Variants in OLAH observed in about 807,000 individuals in gnomAD.
OLAH encodes the protein oleoyl-ACP hydrolase, also known as S-acyl fatty acid synthase thioesterase, medium chain.
Under a neutral mutation model 27.8 loss-of-function variants are expected in OLAH, and 33 were observed. The observed-to-expected ratio is 1.19, with a 90% CI of 0.90 to 1.59. The LOEUF (loss-of-function observed/expected upper bound fraction) is 1.59. Ranked by LOEUF, OLAH falls within the 40% of genes most tolerant of loss-of-function variation. The probability of loss-of-function intolerance (pLI) is 0.00; values close to 1 mark genes in which losing one functional copy is unlikely to be tolerated. For missense variants in OLAH, 359 were observed against 310.8 expected (o/e 1.16, Z -1.17); for synonymous variants, 120 against 102.9 (o/e 1.17, Z -1.01).
chr10:15,057,042 G>A, intron 3 of OLAH: 1 of 1,328,194 alleles, frequency 7.5e-7, no homozygotes, highest in Non-Finnish European at 9.7e-7. Flanking sequence ...TTAATGTGGT[G>A]TCTTCTGACT....
Position 15,049,703 on chromosome 10 carries a change from G to C in OLAH, c.101G>C (p.Trp34Ser), listed in dbSNP as rs1180868836. 4 of 1,610,534 alleles carry C rather than the reference G, an allele frequency of 2.5e-6. No individual in the cohort carries two copies. Among genetic ancestry groups the C allele is most frequent in the Middle Eastern group, 1.6e-4 (1 of 6,080 alleles). ...EATFKLICFP[W>S]MGGGSTHFAK... ...ACTTTTAAGCTGATTTGCTTTCCCT[G>C]GATGGGAGGTGGCTCCACTCATTTT... Residue 34 changes from tryptophan to serine, a missense_variant, in exon 3 of 8, where the codon TGG becomes TCG. By Grantham distance (177) the Trp-to-Ser change is radical. Transcript: ENST00000378228.
intron 2 of OLAH, among the ~76,000 whole-genome samples, chr10:15,049,327 T>C (rs935982759): frequency 4.6e-5 from 7 of 151,924 alleles, no homozygotes; most frequent in Non-Finnish European, 8.8e-5. Flanking sequence ...TGACATGAGG[T>C]CTCACTATGT....
intron 2 of OLAH, among the ~76,000 whole-genome samples, chr10:15,048,377 C>A (rs1048158458): frequency 6.6e-6 from 1 of 152,160 alleles, no homozygotes; most frequent in Non-Finnish European, 1.5e-5. Context: ...ACCACCACAC[C>A]CAGCTAATTT....
At chr10:15,050,015 T>C (rs1202909540) in intron 3 of OLAH, among the ~76,000 whole-genome samples, 1 of 152,246 alleles carries the variant, frequency 6.6e-6, no homozygotes, top group East Asian at 1.9e-4. Context: ...GGTATAATTA[T>C]TGATATGGTT....
At chr10:15,047,355 C>A (rs1844039882) in intron 2 of OLAH, 35 bp downstream of exon 2, 1 of 1,607,898 alleles carries the variant, frequency 6.2e-7, no homozygotes, top group East Asian at 2.2e-5. Flanking sequence ...GCTCTTCCTC[C>A]ATCCCAGGGG....
At chr10:15,069,792 G>A (rs1478798251) in intron 6 of OLAH, among the ~76,000 whole-genome samples, 2 of 152,128 alleles carry the variant, frequency 1.3e-5, no homozygotes, top group African/African-American at 4.8e-5. Context: ...CTTGAACCCA[G>A]GAGACAGAGG....
Position 15,065,839 on chromosome 10 carries a change from T to G in OLAH, c.572+86T>G. 20 of 1,249,798 alleles carry G rather than the reference T, an allele frequency of 1.6e-5. 1 individual carries two copies. The South Asian group carries it at 3.0e-4, about 19-fold the overall frequency. 77.4% of individuals were successfully genotyped at this position (1,249,798 alleles called of 1,614,324 possible). On this transcript the variant is annotated intron_variant, in intron 6 of 7. Coordinates refer to ENST00000378228, the MANE Select transcript of OLAH (RefSeq NM_001039702.3). ...ATTGGCAGTGCTCTGAGGTTGCTTA[T>G]GTGGGAAGACAAAATTCTAAGAGTT...
chr10:15,056,630 CCTTT>C (rs991574455), intron 3 of OLAH, among the ~76,000 whole-genome samples: 1 of 151,516 alleles, frequency 6.6e-6, no homozygotes, highest in African/African-American at 2.4e-5. Context: ...TTCCTTCCTT[CCTTT>C]TTCTTTCTTT....
In OLAH at chr10:15,046,226, A is replaced by G. The variant is rs185414667; in HGVS notation, c.-163-900A>G. 5.9e-5 allele frequency among the ~76,000 whole-genome samples: 9 copies of G among 151,546 alleles called. No individual in the cohort carries two copies. In the East Asian group the frequency reaches 1.8e-3, roughly 30 times the overall value. Reference sequence around the variant, plus strand: ...CTGGGCGCAGTGGTGGGCACCTATAATCCCAGCTACTTGGGAGGCTGAGGC... The same window carrying G: ...CTGGGCGCAGTGGTGGGCACCTATAGTCCCAGCTACTTGGGAGGCTGAGGC... On this transcript the variant is annotated intron_variant, in intron 1 of 7. Transcript: ENST00000378228.
rs191335400 is a variant in OLAH, at chr10:15,048,304, C to G, written c.32+984C>G. Among the ~76,000 whole-genome samples, 12 of 152,142 alleles carry G rather than the reference C, an allele frequency of 7.9e-5. No individual in the cohort carries two copies. In the East Asian group the frequency reaches 2.1e-3, roughly 27 times the overall value. On this transcript the variant is annotated intron_variant, in intron 2 of 7. Transcript: ENST00000378228. ...GCGATCTCGGCTCACTGCAACCCCC[C>G]CCTCCTGGGTTCAAGTAATCCTCCT...
At chr10:15,068,309 G>T (rs749561282) in intron 6 of OLAH, among the ~76,000 whole-genome samples, 18 of 152,144 alleles carry the variant, frequency 1.2e-4, no homozygotes, top group Middle Eastern at 3.4e-3. Flanking sequence ...CCAACATCTG[G>T]GTCTTATCTG....
intron 6 of OLAH, among the ~76,000 whole-genome samples, chr10:15,070,092 T>G (rs1454923917): frequency 6.6e-6 from 1 of 152,010 alleles, no homozygotes; most frequent in Non-Finnish European, 1.5e-5. Context: ...TAACTTGCCT[T>G]GCAAACACAG....
chr10:15,066,666 A>C (rs909248790), intron 6 of OLAH, among the ~76,000 whole-genome samples: 2 of 149,282 alleles, frequency 1.3e-5, no homozygotes, highest in Admixed American at 1.3e-4. Flanking sequence ...TTTGAGATGG[A>C]GTCTCACTTT....
At chr10:15,041,846 G>A (rs948548345), upstream of OLAH, among the ~76,000 whole-genome samples, 1 of 152,066 alleles carries the variant, frequency 6.6e-6, no homozygotes, top group African/African-American at 2.4e-5. Context: ...CAAAGTGCTG[G>A]GATTCCAGGT....
chr10:15,040,801 G>T (rs951244828), upstream of OLAH, among the ~76,000 whole-genome samples: 1 of 152,160 alleles, frequency 6.6e-6, no homozygotes, highest in African/African-American at 2.4e-5. Context: ...TTACTGTCTA[G>T]CAGTACAGAA....
intron 6 of OLAH, among the ~76,000 whole-genome samples, chr10:15,070,865 A>G (rs930483847): frequency 6.8e-6 from 1 of 147,332 alleles, no homozygotes; most frequent in African/African-American, 2.5e-5. Flanking sequence ...AGCTCACTGC[A>G]GCCTTGACCT....
At chr10:15,046,421 T>C (rs1330924561) in intron 1 of OLAH, among the ~76,000 whole-genome samples, 1 of 152,170 alleles carries the variant, frequency 6.6e-6, no homozygotes, top group Non-Finnish European at 1.5e-5. Context: ...ATGGGAAGTT[T>C]GGCACAGCAG....
chr10:15,033,231 A>C (rs1041486375), intron 1 of OLAH, among the ~76,000 whole-genome samples: 6 of 152,268 alleles, frequency 3.9e-5, no homozygotes, highest in African/African-American at 1.4e-4. Context: ...TTTTATAACT[A>C]GTAGGAAAAA....
At chr10:15,044,396 C>T (rs1442707080) in intron 1 of OLAH, among the ~76,000 whole-genome samples, 1 of 151,642 alleles carries the variant, frequency 6.6e-6, no homozygotes, top group Non-Finnish European at 1.5e-5. Flanking sequence ...TTGCCTGTGC[C>T]TGGCTTTGAC....
Sources: allele counts gnomAD v4.1 joint callset (sites outside exome capture counted in the v4.1 genomes callset), GRCh38; gene constraint gnomAD v4.1.1; transcripts MANE v1.5; gene names NCBI Gene and HGNC (gene_info 2026-07-23, HGNC 2026-07-21).